Variants in SP110 observed in about 807,000 individuals in gnomAD.
SP110 encodes the protein SP110 nuclear body protein, also known as interferon-induced protein 41, 30kD.
SP110 carries 62 observed loss-of-function variants against 92.7 expected under a neutral mutation model. The observed-to-expected ratio is 0.67, with a 90% CI of 0.55 to 0.83. The LOEUF is 0.83. SP110 is among the 40% of genes least tolerant of loss of function. The probability of loss-of-function intolerance (pLI) is 0.00; values close to 1 mark genes in which losing one functional copy is unlikely to be tolerated. For missense variants in SP110, 793 were observed against 863.9 expected, an observed-to-expected ratio of 0.92 and a Z score of 1.03; for synonymous variants, 273 against 305.3, an observed-to-expected ratio of 0.89 and a Z score of 1.10.
intron 6 of SP110, 45 bp from the exon 7 acceptor site, chr2:230,210,053 A>G (rs1391516331): frequency 8.4e-7 from 1 of 1,192,604 alleles, no homozygotes; most frequent in Non-Finnish European, 1.3e-6. Flanking sequence ...GATCCAGTGA[A>G]GAGAAAGTGC....
chr2:230,223,925 C>T (rs781224451), upstream of SP110, among the ~76,000 whole-genome samples: 1 of 152,168 alleles, frequency 6.6e-6, no homozygotes, highest in African/African-American at 2.4e-5. Context: ...GGAGGCAGGC[C>T]GGAGCCTTCT....
At chr2:230,178,085 A>G in intron 13 of SP110, 72 bp downstream of exon 13, 1 of 897,324 alleles carries the variant, frequency 1.1e-6, no homozygotes, top group Non-Finnish European at 1.8e-6. Context: ...AATTACACAC[A>G]CGGGTATTTT....
chr2:230,215,046 T>C lies in SP110; in HGVS notation c.220A>G (p.Arg74Gly). The C allele has an allele frequency of 6.2e-7, 1 of 1,613,702 alleles. No homozygotes were observed. Among genetic ancestry groups the C allele is most frequent in the Non-Finnish European group, 8.5e-7 (1 of 1,179,566 alleles). The change falls in exon 3 of 19, where the codon AGG (arginine) becomes GGG (glycine). Residue 74 changes from arginine (R) to glycine (G), a missense_variant. Arg to Gly is a moderately radical substitution (Grantham distance 125). Transcript: ENST00000258381. Reference protein sequence around the residue: ...VVHNILTQLERTFNLSLLVTL... With the variant: ...VVHNILTQLEGTFNLSLLVTL... ...ACCAGAAGAGACAGGTTAAAAGTCC[T>C]CTCCAGTTGGGTGAGAATGTTGTGC... is the stretch of plus-strand genomic sequence containing the variant.
chr2:230,204,769 T>C lies in SP110; in HGVS notation c.899-2041A>G, dbSNP rs193005452. Among the ~76,000 whole-genome samples the C allele has an allele frequency of 8.3e-4, 127 of 152,300 alleles. 1 individual carries two copies. Among genetic ancestry groups the C allele is most frequent in the African/African-American group, 2.9e-3 (121 of 41,574 alleles). On this transcript the variant is annotated intron_variant, in intron 8 of 18. Coordinates refer to ENST00000258381, the MANE Select transcript of SP110 (RefSeq NM_080424.4). ...AATTATGGGACCAGCTTGGCTAATT[T>C]AGGGGTCAGAGTATGTATTCCTGAG...
chr2:230,165,590 T>A lies in SP110; in HGVS notation c.*3534A>T, dbSNP rs1375641898. 6.6e-6 allele frequency among the ~76,000 whole-genome samples: 1 copy of A among 151,392 alleles called. No individual in the cohort carries two copies. The highest frequency in any genetic ancestry group is 6.6e-5 in the Admixed American group (1 of 15,236). ...ACATTATAGAGTAAAAGCAAAAAAA[T>A]TAATACTAATTCATGTCTGTATTTC... On this transcript the variant is annotated 3_prime_UTR_variant, in exon 19 of 19. Coordinates refer to ENST00000258381, the MANE Select transcript of SP110 (RefSeq NM_080424.4).
rs199520837 is a variant in SP110, at chr2:230,178,251, T to A, written c.1353A>T (p.Lys451Asn). Reference protein sequence around the residue: ...RFQKNIHRRGKPKSDTVDFHC... With the variant: ...RFQKNIHRRGNPKSDTVDFHC... ...GAAAATCCACAGTGTCACTTTTGGG[T>A]TTTCCTTAAAGTAGAAGAGAACAGT... The change falls in exon 13 of 19, where the codon AAA becomes AAT. Residue 451 changes from lysine to asparagine, a missense_variant. Transcript: ENST00000258381. 134 of 1,605,674 alleles carry A rather than the reference T, an allele frequency of 8.3e-5. 1 individual carries two copies. The highest frequency in any genetic ancestry group is 1.1e-4 in the Non-Finnish European group (129 of 1,172,922).
intron 10 of SP110, among the ~76,000 whole-genome samples, chr2:230,194,106 A>G (rs927927508): frequency 3.9e-5 from 6 of 152,128 alleles, no homozygotes; most frequent in East Asian, 1.9e-4. Context: ...TTCTAGGCCA[A>G]ACCCCAAGAT....
intron 10 of SP110, among the ~76,000 whole-genome samples, chr2:230,191,029 A>T (rs534577631): frequency 6.6e-6 from 1 of 152,282 alleles, no homozygotes; most frequent in Non-Finnish European, 1.5e-5. Flanking sequence ...GGATTGTCCT[A>T]GCTATATGGG....
chr2:230,183,305 G>C (rs796517864), intron 12 of SP110, among the ~76,000 whole-genome samples: 1 of 152,210 alleles, frequency 6.6e-6, no homozygotes, highest in Non-Finnish European at 1.5e-5. Context: ...TGACTTAAAG[G>C]TTTAGTGATC....
rs139785718 is a variant in SP110, at chr2:230,170,655, C to T, written c.1994G>A (p.Arg665His). The T allele has an allele frequency of 1.1e-5, 18 of 1,613,978 alleles. No individual in the cohort carries two copies. The highest frequency in any genetic ancestry group is 3.3e-5 in the Admixed American group (2 of 59,996). The change falls in exon 18 of 19, where the codon CGC becomes CAC. Residue 665 changes from arginine to histidine, a missense_variant. Arg to His is a conservative substitution (Grantham distance 29). Coordinates refer to ENST00000258381, the MANE Select transcript of SP110 (RefSeq NM_080424.4). ...YTVAWFVRDM[R>H]LMFRNHKTFY... ...TGTTTTATGGTTGCGAAACATCAGG[C>T]GCATGTCTCGCACAAACCATGCCAC...
At chr2:230,170,486 T>G (rs2078408045) in intron 18 of SP110, 135 bp downstream of exon 18, 1 of 1,089,276 alleles carries the variant, frequency 9.2e-7, no homozygotes, top group South Asian at 1.3e-5. Flanking sequence ...CCGAGGTGGT[T>G]TTTTTTCTGT....
chr2:230,169,166 A>G lies in SP110; in HGVS notation c.2100T>C (p.Gly700=), dbSNP rs770898382. ...AACCGCCGTCATTGGCTTCATGAAA[A>G]CCGAGCACGTCTTTGAGATCTTTTT... ...EFEKDLKDVL[G]FHEANDGGFW... Residue 700 remains glycine, a synonymous_variant, in exon 19 of 19, where the codon GGT becomes GGC. Transcript: ENST00000258381. 5.1e-5 allele frequency: 83 copies of G among 1,613,802 alleles called. No individual in the cohort carries two copies. The South Asian group carries it at 8.9e-4, about 17-fold the overall frequency.
chr2:230,214,371 T>C lies in SP110; in HGVS notation c.316+579A>G, dbSNP rs1188393754. On this transcript the variant is annotated intron_variant, in intron 3 of 18. Transcript: ENST00000258381. ...CTTGTCCGGACTAGTGGTTAAAATC[T>C]TGGGCCCTGGTATTGGGAGACCCAA... Among the ~76,000 whole-genome samples, 3 of 152,164 alleles carry C rather than the reference T, an allele frequency of 2.0e-5. No individual in the cohort carries two copies. In the East Asian group the frequency reaches 5.8e-4, roughly 29 times the overall value.
intron 9 of SP110, among the ~76,000 whole-genome samples, chr2:230,201,851 T>A (rs534445934): frequency 7.8e-4 from 119 of 152,382 alleles, no homozygotes; most frequent in African/African-American, 2.7e-3. Flanking sequence ...ACATTACAAC[T>A]AATATTTAAG....
chr2:230,217,047 A>C (rs1035591956), intron 1 of SP110, 119 bp from the exon 2 acceptor site: 1 of 749,442 alleles, frequency 1.3e-6, no homozygotes, highest in Non-Finnish European at 2.2e-6. Flanking sequence ...AGAGATTGAG[A>C]CCATCCTGGC....
intron 14 of SP110, chr2:230,176,482 T>C: frequency 1.4e-6 from 2 of 1,475,806 alleles, no homozygotes; most frequent in Non-Finnish European, 1.8e-6. Context: ...ATGAGCTTTT[T>C]CATTTAATTT....
chr2:230,178,187 C>T lies in SP110; in HGVS notation c.1417G>A (p.Gly473Arg). 6.2e-7 allele frequency: 1 copy of T among 1,613,146 alleles called. No individual in the cohort carries two copies. The highest frequency in any genetic ancestry group is 2.2e-5 in the East Asian group (1 of 44,872). The change falls in exon 13 of 19, where the codon GGG becomes AGG. Residue 473 changes from glycine to arginine, a missense_variant. Gly to Arg is a moderately radical substitution (Grantham distance 125, BLOSUM62 -2). Transcript: ENST00000258381. ...KLPVTCGEAKGILYKKKMKHG... is the reference protein window; with the variant it reads ...KLPVTCGEAKRILYKKKMKHG... ...TTCATTTTCTTCTTATATAAAATCC[C>T]TTTCGCCTCACCACAGGTCACGGGG...
At chr2:230,178,133 A>G in intron 13 of SP110, 24 bp downstream of exon 13, 1 of 1,437,670 alleles carries the variant, frequency 7.0e-7, no homozygotes, top group Non-Finnish European at 9.8e-7. Flanking sequence ...GGGATTCCAA[A>G]GAGCAGAAGA....
chr2:230,183,941 G>GCA, intron 11 of SP110, among the ~76,000 whole-genome samples: 1 of 152,106 alleles, frequency 6.6e-6, no homozygotes, highest in African/African-American at 2.4e-5. Context: ...TATCCACACG[G>GCA]CATGTATTTC....
Sources: gnomAD v4.1 joint callset for allele counts (sites outside exome capture counted in the v4.1 genomes callset) on GRCh38, gnomAD v4.1.1 for gene constraint, MANE v1.5 for transcripts, NCBI Gene and HGNC (gene_info 2026-07-23, HGNC 2026-07-21) for gene names.